Variants in VTI1A observed in about 807,000 individuals in gnomAD.
VTI1A encodes vesicle transport through interaction with t-SNAREs 1A.
Under a neutral mutation model 34.9 loss-of-function variants are expected in VTI1A, and 22 were observed. The observed-to-expected ratio is 0.63, with a 90% confidence interval of 0.45 to 0.90. The LOEUF is 0.90. Among genes scored for constraint, VTI1A ranks in the 40% least tolerant of loss-of-function variants. VTI1A has a pLI of 0.00. For missense variants in VTI1A, 268 were observed against 275.6 expected (o/e 0.97, Z 0.20); for synonymous variants, 87 against 97.3 (o/e 0.89, Z 0.62).
At chr10:112,609,276 AAG>A (rs1284248725) in intron 5 of VTI1A, among the ~76,000 whole-genome samples, 3 of 152,232 alleles carry the variant, frequency 2.0e-5, no homozygotes, top group Non-Finnish European at 4.4e-5. Flanking sequence ...TAAGAAAAGG[AAG>A]CAAGTAATAT....
intron 5 of VTI1A, among the ~76,000 whole-genome samples, chr10:112,555,698 T>G (rs748405486): frequency 9.9e-5 from 15 of 152,072 alleles, no homozygotes; most frequent in Non-Finnish European, 2.1e-4. Flanking sequence ...ATCTGCTTGT[T>G]AATTTGCAGC....
chr10:112,830,549 A>G, the VTI1A span, among the ~76,000 whole-genome samples: 2 of 151,048 alleles, frequency 1.3e-5, no homozygotes, highest in Non-Finnish European at 2.9e-5. Flanking sequence ...TTTCCTTATC[A>G]TAATACATAC....
At chr10:112,483,288 T>G (rs1333214808) in intron 3 of VTI1A, among the ~76,000 whole-genome samples, 1 of 151,962 alleles carries the variant, frequency 6.6e-6, no homozygotes, top group Non-Finnish European at 1.5e-5. Flanking sequence ...AAAAAATCCA[T>G]AAAGAGCTGC....
intron 7 of VTI1A, among the ~76,000 whole-genome samples, chr10:112,684,192 A>T (rs1473617094): frequency 6.6e-6 from 1 of 152,188 alleles, no homozygotes; most frequent in Non-Finnish European, 1.5e-5. Flanking sequence ...TATGTACAAC[A>T]TATAAAACTT....
At chr10:112,520,244 A>C (rs770422216) in intron 3 of VTI1A, among the ~76,000 whole-genome samples, 1 of 151,938 alleles carries the variant, frequency 6.6e-6, no homozygotes, top group Non-Finnish European at 1.5e-5. Context: ...TTCTATCATG[A>C]GCTGATTTTC....
chr10:112,689,057 G>T (rs771524186), intron 7 of VTI1A, among the ~76,000 whole-genome samples: 1 of 152,132 alleles, frequency 6.6e-6, no homozygotes, highest in African/African-American at 2.4e-5. Flanking sequence ...TGGGTACTGA[G>T]AATTATTTGT....
At chr10:112,476,059 TC>T (rs1249778939) in intron 3 of VTI1A, among the ~76,000 whole-genome samples, 1 of 152,238 alleles carries the variant, frequency 6.6e-6, no homozygotes, top group East Asian at 1.9e-4. Context: ...TATTTTCCAT[TC>T]TTTTGATGTA....
intron 1 of VTI1A, among the ~76,000 whole-genome samples, chr10:112,459,422 A>G (rs1847653245): frequency 6.6e-6 from 1 of 152,222 alleles, no homozygotes; most frequent in Non-Finnish European, 1.5e-5. Context: ...TCTCTGGTTC[A>G]TATATGCCTA....
chr10:112,600,562 C>T (rs993399850), intron 5 of VTI1A, among the ~76,000 whole-genome samples: 5 of 152,160 alleles, frequency 3.3e-5, no homozygotes, highest in South Asian at 2.1e-4. Flanking sequence ...CTGCAGAAAG[C>T]GCTTTCCTGA....
intron 3 of VTI1A, among the ~76,000 whole-genome samples, chr10:112,496,925 TAAAC>T (rs1214903008): frequency 6.6e-6 from 1 of 152,130 alleles, no homozygotes; most frequent in African/African-American, 2.4e-5. Flanking sequence ...AAATAAAAAA[TAAAC>T]AAGCTAGCTA....
intron 7 of VTI1A, among the ~76,000 whole-genome samples, chr10:112,722,649 GT>G (rs1844097077): frequency 6.6e-6 from 1 of 152,072 alleles, no homozygotes; most frequent in Non-Finnish European, 1.5e-5. Flanking sequence ...TGCTTCAGAG[GT>G]CAGTGGCTCT....
intron 5 of VTI1A, among the ~76,000 whole-genome samples, chr10:112,646,942 A>G (rs1478734008): frequency 6.6e-6 from 1 of 152,204 alleles, no homozygotes; most frequent in Non-Finnish European, 1.5e-5. Context: ...GTAAGCTGCT[A>G]GATGTTGGGA....
chr10:112,505,050 C>G (rs1849380011), intron 3 of VTI1A, among the ~76,000 whole-genome samples: 1 of 151,574 alleles, frequency 6.6e-6, no homozygotes, highest in African/African-American at 2.4e-5. Context: ...ATGTACTTTT[C>G]CAGTTTATTA....
At chr10:112,774,794 T>A (rs1851910541) in intron 7 of VTI1A, among the ~76,000 whole-genome samples, 2 of 152,104 alleles carry the variant, frequency 1.3e-5, no homozygotes, top group Admixed American at 1.3e-4. Context: ...CAATTAGCAG[T>A]CCCAGAATGA....
chr10:112,576,268 G>T (rs959277790), intron 5 of VTI1A, among the ~76,000 whole-genome samples: 2 of 148,438 alleles, frequency 1.3e-5, no homozygotes, highest in Non-Finnish European at 3.0e-5. Context: ...GATCCGCCCC[G>T]CTCGGCCTCC....
At chr10:112,685,318 A>T (rs1393592650) in intron 7 of VTI1A, among the ~76,000 whole-genome samples, 1 of 152,150 alleles carries the variant, frequency 6.6e-6, no homozygotes, top group Non-Finnish European at 1.5e-5. Flanking sequence ...GTCATGTTTT[A>T]AAAATAATTT....
chr10:112,479,347 T>C (rs1435042612), intron 3 of VTI1A, among the ~76,000 whole-genome samples: 2 of 152,184 alleles, frequency 1.3e-5, no homozygotes, highest in Admixed American at 6.5e-5. Flanking sequence ...AAGGACTTTC[T>C]AACTTTCTCT....
At chr10:112,524,664 C>T (rs1850155266) in intron 3 of VTI1A, among the ~76,000 whole-genome samples, 1 of 152,094 alleles carries the variant, frequency 6.6e-6, no homozygotes, top group African/African-American at 2.4e-5. Flanking sequence ...TAATTTTCTC[C>T]TTTTGAAGTA....
intron 7 of VTI1A, among the ~76,000 whole-genome samples, chr10:112,749,741 G>A (rs1202801192): frequency 6.6e-6 from 1 of 152,276 alleles, no homozygotes; most frequent in East Asian, 1.9e-4. Context: ...CTTAAACTTA[G>A]CTATGCTCTA....
Sources: gnomAD v4.1 joint callset for allele counts (sites outside exome capture counted in the v4.1 genomes callset) on GRCh38, gnomAD v4.1.1 for gene constraint, MANE v1.5 for transcripts, NCBI Gene and HGNC (gene_info 2026-07-23, HGNC 2026-07-21) for gene names.